The following NADK2 variants were observed in gnomAD, a reference collection of about 807,000 sequenced individuals.
NADK2 encodes the protein NAD kinase domain-containing protein 1, mitochondrial.
A neutral mutation model predicts 62.1 loss-of-function variants in NADK2; 35 were observed. The observed-to-expected ratio is 0.56, with a 90% CI of 0.43 to 0.75. NADK2 has a LOEUF of 0.75. Ranked by LOEUF, NADK2 falls within the 30% of genes least tolerant of loss-of-function variation. NADK2 has a pLI of 0.00. For synonymous variants in NADK2, 205 were observed against 207.9 expected, an observed-to-expected ratio of 0.99 and a Z score of 0.12; for missense variants, 439 against 561.3, an observed-to-expected ratio of 0.78 and a Z score of 2.20.
intron 5 of NADK2, 159 bp from the exon 6 acceptor site, chr5:36,218,043 A>T (rs1246904902): frequency 1.7e-5 from 10 of 581,842 alleles, no homozygotes; most frequent in Non-Finnish European, 2.9e-5. Flanking sequence ...TAGCTTCCTT[A>T]TCAATGACAG....
At position 36,207,125 on chromosome 5, in the gene NADK2, A is replaced by G. The variant is rs1746669150; in HGVS notation, c.956+45T>C. 3 of 1,499,632 alleles carry G rather than the reference A, an allele frequency of 2.0e-6. No homozygotes were observed. In the South Asian group the frequency reaches 3.4e-5, roughly 17 times the overall value. 92.9% of individuals were successfully genotyped at this position (1,499,632 alleles called of 1,614,324 possible). On this transcript the variant is annotated intron_variant, in intron 8 of 11. Transcript: ENST00000381937. ...GATGGGCCAAAATATTACATTACTA[A>G]AAGTATTTCACAAAACTTGATAAGC...
In NADK2 at chr5:36,231,020, A is replaced by C. The variant is rs12054958; in HGVS notation, c.301-3455T>G. Among the ~76,000 whole-genome samples, 1,852 of 152,306 alleles carry C rather than the reference A, an allele frequency of 0.012. 158 individuals carry two copies. The East Asian group carries it at 0.21, about 18-fold the overall frequency. On this transcript the variant is annotated intron_variant, in intron 1 of 11. Transcript: ENST00000381937. ...CTCATACTTCAATTCCCTATCCAGG[A>C]TTTTTACCTTATGTTCCAAATTTTG...
intron 1 of NADK2, among the ~76,000 whole-genome samples, chr5:36,228,740 TC>T (rs200507429): frequency 0.011 from 1,717 of 151,074 alleles, 23 homozygotes; most frequent in South Asian, 0.043. Context: ...CACCTCAGCC[TC>T]CCAGGCAGCT....
intron 7 of NADK2, among the ~76,000 whole-genome samples, chr5:36,210,006 A>G (rs941018539): frequency 2.0e-5 from 3 of 152,186 alleles, no homozygotes; most frequent in African/African-American, 4.8e-5. Context: ...TTTAGTTAAG[A>G]CAAATTTTTC....
chr5:36,233,884 C>T (rs929748769), intron 1 of NADK2, among the ~76,000 whole-genome samples: 6 of 152,138 alleles, frequency 3.9e-5, no homozygotes, highest in Non-Finnish European at 8.8e-5. Flanking sequence ...ATATTTAATT[C>T]AAACATCCTG....
intron 8 of NADK2, among the ~76,000 whole-genome samples, chr5:36,203,333 T>C (rs1249845189): frequency 6.6e-6 from 1 of 152,084 alleles, no homozygotes; most frequent in Non-Finnish European, 1.5e-5. Flanking sequence ...ATACAGCTTT[T>C]CCCCAGCCCC....
chr5:36,240,650 G>A (rs1748072801), intron 1 of NADK2, among the ~76,000 whole-genome samples: 1 of 152,134 alleles, frequency 6.6e-6, no homozygotes, highest in Admixed American at 6.5e-5. Flanking sequence ...GGTGGGGGGG[G>A]ATGACAACAG....
chr5:36,211,868 A>G lies in NADK2; in HGVS notation c.836T>C (p.Phe279Ser). Reference sequence around the variant, plus strand: ...CCTGGATGACAGACTCTCCCCAATGAAGACTTCATTTAGTGCTCTCACTGG... The same window carrying G: ...CCTGGATGACAGACTCTCCCCAATGGAGACTTCATTTAGTGCTCTCACTGG... ...LLPVRALNEV[F>S]IGESLSSRAS... Residue 279 changes from phenylalanine (F) to serine (S), a missense_variant, in exon 7 of 12, where the codon TTC becomes TCC. Phe to Ser is a radical substitution (Grantham distance 155). Transcript: ENST00000381937. 6.2e-7 allele frequency: 1 copy of G among 1,613,580 alleles called. No individual in the cohort carries two copies. The highest frequency in any genetic ancestry group is 1.7e-4 in the Middle Eastern group (1 of 6,054).
At chr5:36,197,454 A>T in intron 11 of NADK2, 87 bp downstream of exon 11, 1 of 1,546,296 alleles carries the variant, frequency 6.5e-7, no homozygotes, top group Non-Finnish European at 8.9e-7. Flanking sequence ...GAGCAAATTT[A>T]ATGAAATTAA....
At chr5:36,229,480 A>G (rs1162275987) in intron 1 of NADK2, among the ~76,000 whole-genome samples, 2 of 152,098 alleles carry the variant, frequency 1.3e-5, no homozygotes, top group African/African-American at 4.8e-5. Flanking sequence ...ACTATTTTAG[A>G]GTAGAATTTC....
chr5:36,234,204 C>T (rs971768442), intron 1 of NADK2, among the ~76,000 whole-genome samples: 5 of 151,306 alleles, frequency 3.3e-5, no homozygotes, highest in African/African-American at 1.2e-4. Flanking sequence ...GAAACCCCGT[C>T]TCTACTAAAA....
intron 1 of NADK2, among the ~76,000 whole-genome samples, chr5:36,234,501 GACTA>G (rs569307114): frequency 1.0e-3 from 152 of 151,544 alleles, no homozygotes; most frequent in Non-Finnish European, 1.6e-3. Flanking sequence ...AATTATCATT[GACTA>G]ACTTTTAAAA....
chr5:36,196,208 G>A (rs1385909797), intron 11 of NADK2, among the ~76,000 whole-genome samples: 1 of 152,080 alleles, frequency 6.6e-6, no homozygotes, highest in Non-Finnish European at 1.5e-5. Context: ...CTATGTGCAG[G>A]TTTGCTAGGT....
chr5:36,237,549 T>A (rs1381522803), intron 1 of NADK2, among the ~76,000 whole-genome samples: 1 of 152,218 alleles, frequency 6.6e-6, no homozygotes, highest in Non-Finnish European at 1.5e-5. Flanking sequence ...ATATTTTGTA[T>A]CTTTTATATT....
At chr5:36,208,539 T>C in intron 7 of NADK2, 1 of 942,538 alleles carries the variant, frequency 1.1e-6, no homozygotes, top group Admixed American at 2.4e-5. Flanking sequence ...AGTGTCATTC[T>C]CACATGCAAG....
rs568398303 is a variant in NADK2, at chr5:36,227,377, C to A, written c.389+100G>T. 7 of 466,090 alleles carry A rather than the reference C, an allele frequency of 1.5e-5. No homozygotes were observed. The East Asian group carries it at 2.6e-4, about 17-fold the overall frequency. 28.9% of individuals were successfully genotyped at this position (466,090 alleles called of 1,614,324 possible). On this transcript the variant is annotated intron_variant, in intron 2 of 11. Transcript: ENST00000381937. ...TTTTCTGAAAATGATTTTATAATAA[C>A]AATCATCACTAAAAATCTAAGAATG...
At chr5:36,199,587 A>T (rs1478912385) in intron 10 of NADK2, among the ~76,000 whole-genome samples, 1 of 152,050 alleles carries the variant, frequency 6.6e-6, no homozygotes, top group Admixed American at 6.6e-5. Context: ...CAGTTTAAAA[A>T]TTTAAATTGT....
At chr5:36,195,431 ATGGG>A in intron 11 of NADK2, 149 bp from the exon 12 acceptor site, 1 of 801,142 alleles carries the variant, frequency 1.2e-6, no homozygotes, top group Non-Finnish European at 1.9e-6. Context: ...ATGTAAATAT[ATGGG>A]TATATTATGA....
Position 36,195,027 on chromosome 5 carries a change from G to T in NADK2, c.*117C>A. ...GAAGAATAATGCAAATCTCACTTCTGAGCCCACGGGCAAGCAGTCTCAACA... is the reference window on the plus strand; with the variant it reads ...GAAGAATAATGCAAATCTCACTTCTTAGCCCACGGGCAAGCAGTCTCAACA... On this transcript the variant is annotated 3_prime_UTR_variant, in exon 12 of 12. Transcript: ENST00000381937. The T allele has an allele frequency of 9.6e-7, 1 of 1,037,178 alleles. No homozygotes were observed. Among genetic ancestry groups the T allele is most frequent in the Non-Finnish European group, 1.4e-6 (1 of 725,606 alleles). The allele number at this position is 1,037,178 out of a possible 1,614,324, so 64.2% of individuals were successfully genotyped here. A position where few individuals can be genotyped will look rare whatever the true frequency, so the allele number is the denominator to read the frequency against.
Sources: allele counts gnomAD v4.1 joint callset (sites outside exome capture counted in the v4.1 genomes callset), GRCh38; gene constraint gnomAD v4.1.1; transcripts MANE v1.5; gene names NCBI Gene and HGNC (gene_info 2026-07-23, HGNC 2026-07-21).